Variants in MGAT1 observed in about 807,000 individuals in gnomAD.
MGAT1 encodes N-glycosyl-oligosaccharide-glycoprotein N-acetylglucosaminyltransferase I.
Under a neutral mutation model 31.7 loss-of-function variants are expected in MGAT1, and 14 were observed. That is an observed-to-expected ratio of 0.44 (90% CI 0.29 to 0.69). The LOEUF is 0.69. Ranked by LOEUF, MGAT1 falls within the 30% of genes least tolerant of loss-of-function variation. MGAT1 has a pLI of 0.12. For synonymous variants in MGAT1, 338 were observed against 276.0 expected (o/e 1.22, Z -2.23); for missense variants, 557 against 626.0 (o/e 0.89, Z 1.18).
intron 1 of MGAT1, among the ~76,000 whole-genome samples, chr5:180,796,497 C>T (rs1269757307): frequency 6.6e-6 from 1 of 152,230 alleles, no homozygotes; most frequent in African/African-American, 2.4e-5. Context: ...CTGTGCCCAG[C>T]TGGGGCCATA....
chr5:180,801,771 G>A (rs907198047), intron 1 of MGAT1, among the ~76,000 whole-genome samples: 6 of 152,212 alleles, frequency 3.9e-5, no homozygotes, highest in Non-Finnish European at 7.3e-5. Flanking sequence ...ACTGACGACA[G>A]TGACAATTTC....
In MGAT1 at chr5:180,793,103, G is replaced by A. The variant is rs1768596080; in HGVS notation, c.-126-6C>T. The A allele has an allele frequency of 2.7e-6, 3 of 1,100,740 alleles. No homozygotes were observed. In the Admixed American group the frequency reaches 8.4e-5, roughly 31 times the overall value. The allele number at this position is 1,100,740 out of a possible 1,614,324, so 68.2% of individuals were successfully genotyped here. A position where few individuals can be genotyped will look rare whatever the true frequency, so the allele number is the denominator to read the frequency against. On this transcript the variant is annotated splice_polypyrimidine_tract_variant and splice_region_variant and intron_variant, in intron 1 of 1. Transcript: ENST00000307826. ...ATTAGGAGGCAGCCATGCACCTAAA[G>A]ACAGGAGAGAGAAAGCAAACCGTCA...
intron 1 of MGAT1, among the ~76,000 whole-genome samples, chr5:180,799,231 C>T (rs1770161337): frequency 6.6e-6 from 1 of 152,146 alleles, no homozygotes. Flanking sequence ...CTGAAACATC[C>T]CTTTTCAACC....
chr5:180,813,436 C>T (rs984974158), intron 1 of MGAT1, among the ~76,000 whole-genome samples: 1 of 152,178 alleles, frequency 6.6e-6, no homozygotes, highest in Non-Finnish European at 1.5e-5. Flanking sequence ...CCCTTTGTTA[C>T]CTATGTTACA....
chr5:180,801,511 A>G (rs985602225), intron 1 of MGAT1, among the ~76,000 whole-genome samples: 3 of 152,244 alleles, frequency 2.0e-5, no homozygotes, highest in Admixed American at 6.5e-5. Context: ...AAAGGTAGTC[A>G]GAGAAGATAC....
At chr5:180,805,721 G>A (rs1046780792), upstream of MGAT1, among the ~76,000 whole-genome samples, 3 of 152,068 alleles carry the variant, frequency 2.0e-5, no homozygotes, top group Admixed American at 2.0e-4. Flanking sequence ...CTGCACTCCA[G>A]CCTGGGTGAC....
intron 1 of MGAT1, among the ~76,000 whole-genome samples, chr5:180,797,742 A>G (rs904236499): frequency 3.4e-5 from 4 of 117,674 alleles, no homozygotes; most frequent in Non-Finnish European, 5.6e-5. Context: ...CTCCACCTTA[A>G]TCAATCCCTG....
rs1016841221 is a variant in MGAT1 at position 180,786,603 on chromosome 5, G to A, written c.*5031C>T. 6.6e-6 allele frequency: 1 copy of A among 152,402 alleles called. No homozygotes were observed. The highest frequency in any genetic ancestry group is 6.5e-5 in the Admixed American group (1 of 15,290). 9.4% of individuals were successfully genotyped at this position (152,402 alleles called of 1,614,324 possible). A position where few individuals can be genotyped will look rare whatever the true frequency, so the allele number is the denominator to read the frequency against. ...CGCTCTGTGAGCTTCCAAGAGAGGA[G>A]GAGGCAGCTGCCATCCACCCTTTAC... On this transcript the variant is annotated 3_prime_UTR_variant, in exon 2 of 2. Coordinates refer to ENST00000307826, the MANE Select transcript of MGAT1 (RefSeq NM_002406.4).
In MGAT1 at chr5:180,788,623, G is replaced by A. The variant is rs1767742424; in HGVS notation, c.*3011C>T. The A allele has an allele frequency of 6.6e-6, 1 of 152,288 alleles. No individual in the cohort carries two copies. The highest frequency in any genetic ancestry group is 2.1e-4 in the South Asian group (1 of 4,834). 9.4% of individuals were successfully genotyped at this position (152,288 alleles called of 1,614,324 possible). ...AAAACAGTACCCACCGCCTAGGCTTGCTCTGAGGATCAAGTAAGTTGGTAC... is the reference window on the plus strand; with the variant it reads ...AAAACAGTACCCACCGCCTAGGCTTACTCTGAGGATCAAGTAAGTTGGTAC... On this transcript the variant is annotated 3_prime_UTR_variant, in exon 2 of 2. Transcript: ENST00000307826.
intron 1 of MGAT1, among the ~76,000 whole-genome samples, chr5:180,801,272 G>A (rs868323262): frequency 2.8e-4 from 42 of 152,252 alleles, no homozygotes; most frequent in African/African-American, 9.6e-4. Context: ...TAAGCGAGAA[G>A]TTATATTTAG....
upstream of MGAT1, among the ~76,000 whole-genome samples, chr5:180,806,726 G>A (rs1309884161): frequency 6.6e-6 from 1 of 152,186 alleles, no homozygotes; most frequent in Non-Finnish European, 1.5e-5. Flanking sequence ...ACAACAAAGT[G>A]GTGAGGGAAA....
Position 180,791,389 on chromosome 5 carries a change from C to A in MGAT1, c.*245G>T. The A allele has an allele frequency of 1.9e-5, 11 of 578,914 alleles. 1 individual carries two copies. The South Asian group carries it at 2.3e-4, about 12-fold the overall frequency. The allele number at this position is 578,914 out of a possible 1,614,324, so 35.9% of individuals were successfully genotyped here. A position where few individuals can be genotyped will look rare whatever the true frequency, so the allele number is the denominator to read the frequency against. On this transcript the variant is annotated 3_prime_UTR_variant, in exon 2 of 2. Coordinates refer to ENST00000307826, the MANE Select transcript of MGAT1 (RefSeq NM_002406.4). ...GCCCCAACAAGCCCAGTGCCCCCCACCACACAGTGGTTTCCTGCTTAATAC... is the reference window on the plus strand; with the variant it reads ...GCCCCAACAAGCCCAGTGCCCCCCAACACACAGTGGTTTCCTGCTTAATAC...
At chr5:180,802,535 G>T (rs1463355921) in intron 1 of MGAT1, 145 bp downstream of exon 1, 1 of 152,270 alleles carries the variant, frequency 6.6e-6, no homozygotes, top group African/African-American at 2.4e-5. Flanking sequence ...GCACCGGGTC[G>T]GACCGGGCCG....
At chr5:180,794,227 A>T (rs74978493) in intron 1 of MGAT1, among the ~76,000 whole-genome samples, 121 of 115,596 alleles carry the variant, frequency 1.0e-3, no homozygotes, top group East Asian at 4.1e-3. Context: ...AGTAACAATT[A>T]AAAAAAAAAA....
intron 1 of MGAT1, among the ~76,000 whole-genome samples, chr5:180,798,492 G>C (rs980028232): frequency 6.6e-6 from 1 of 152,150 alleles, no homozygotes; most frequent in Non-Finnish European, 1.5e-5. Context: ...GGCCCCCTCA[G>C]CTGCAAGCTA....
chr5:180,814,220 G>C (rs549709174), intron 1 of MGAT1, among the ~76,000 whole-genome samples: 2 of 152,302 alleles, frequency 1.3e-5, no homozygotes, highest in Non-Finnish European at 2.9e-5. Context: ...AAGTCTGGTA[G>C]GTACAAAAGT....
intron 1 of MGAT1, among the ~76,000 whole-genome samples, chr5:180,798,448 G>A (rs181317183): frequency 1.4e-3 from 212 of 152,212 alleles, no homozygotes; most frequent in Non-Finnish European, 2.4e-3. Context: ...TTCACCAACA[G>A]CAACAAGCGC....
chr5:180,790,738 T>G lies in MGAT1; in HGVS notation c.*896A>C, dbSNP rs1401700587. ...CAGCACTGGGCCAGAGGCGTCCTGG[T>G]CACTGCTCCACCTGGTCACTGCTCC... On this transcript the variant is annotated 3_prime_UTR_variant, in exon 2 of 2. Transcript: ENST00000307826. The G allele has an allele frequency of 6.6e-6, 1 of 152,302 alleles. No individual in the cohort carries two copies. Among genetic ancestry groups the G allele is most frequent in the East Asian group, 1.9e-4 (1 of 5,180 alleles). The allele number at this position is 152,302 out of a possible 1,614,324, so 9.4% of individuals were successfully genotyped here. A position where few individuals can be genotyped will look rare whatever the true frequency, so the allele number is the denominator to read the frequency against.
intron 1 of MGAT1, among the ~76,000 whole-genome samples, chr5:180,797,404 AC>A (rs1182432085): frequency 5.7e-5 from 5 of 87,994 alleles, no homozygotes; most frequent in Admixed American, 2.5e-4. Context: ...TCCATCCCCC[AC>A]CAAAAAAAAA....
Sources: gnomAD v4.1 joint callset for allele counts (sites outside exome capture counted in the v4.1 genomes callset) on GRCh38, gnomAD v4.1.1 for gene constraint, MANE v1.5 for transcripts, NCBI Gene and HGNC (gene_info 2026-07-23, HGNC 2026-07-21) for gene names.